RGS6: variants seen among roughly 807,000 people sequenced by gnomAD.
RGS6 encodes regulator of G-protein signaling 6.
RGS6 carries 30 observed loss-of-function variants against 78.5 expected under a neutral mutation model. That is an observed-to-expected ratio of 0.38 (90% CI 0.29 to 0.52). The LOEUF (loss-of-function observed/expected upper bound fraction) is 0.52, where lower values mean the gene tolerates loss of function less well. Among genes scored for constraint, RGS6 ranks in the 20% least tolerant of loss-of-function variants. The pLI, the probability that RGS6 is intolerant of heterozygous loss-of-function variation, is 0.85. For synonymous variants in RGS6, 206 were observed against 206.0 expected (o/e 1.00, Z 0.00); for missense variants, 495 against 609.7 (o/e 0.81, Z 1.98).
In RGS6 at chr14:72,534,770, C is replaced by T. The variant is rs570585435; in HGVS notation, c.1279-1416C>T. Among the ~76,000 whole-genome samples, 6 of 152,254 alleles carry T rather than the reference C, an allele frequency of 3.9e-5. No homozygotes were observed. The South Asian group carries it at 1.0e-3, about 26-fold the overall frequency. On this transcript the variant is annotated intron_variant, in intron 15 of 17. Coordinates refer to ENST00000553525, the MANE Select transcript of RGS6 (RefSeq NM_001204424.2). ...GATGGGAGGTCTGTGCCTCCTCCTT[C>T]GATCCCTTCCCTGGAAAGAGCACCA...
intron 2 of RGS6, among the ~76,000 whole-genome samples, chr14:72,211,885 C>T (rs929018402): frequency 8.6e-5 from 13 of 151,990 alleles, no homozygotes; most frequent in African/African-American, 2.2e-4. Flanking sequence ...AGGGGCAGGC[C>T]GTGAAGATAT....
intron 3 of RGS6, among the ~76,000 whole-genome samples, chr14:72,407,770 A>T (rs1183608607): frequency 6.6e-6 from 1 of 152,246 alleles, no homozygotes; most frequent in Non-Finnish European, 1.5e-5. Context: ...GCTCATTGCT[A>T]TTATGGCTGG....
At chr14:72,243,342 TCCTTGAATCTTG>T (rs2053405350) in intron 2 of RGS6, among the ~76,000 whole-genome samples, 1 of 27,892 alleles carries the variant, frequency 3.6e-5, no homozygotes, top group African/African-American at 2.2e-4. Flanking sequence ...GAATCTCAGT[TCCTTGAATCTTG>T]ACTTTTGTCG....
chr14:72,359,412 A>G (rs1465516438), intron 3 of RGS6, among the ~76,000 whole-genome samples: 1 of 152,222 alleles, frequency 6.6e-6, no homozygotes, highest in African/African-American at 2.4e-5. Context: ...GCTGAAGGGT[A>G]AGAAATCAAA....
At chr14:72,243,646 A>T (rs1376461283) in intron 2 of RGS6, among the ~76,000 whole-genome samples, 2 of 152,174 alleles carry the variant, frequency 1.3e-5, no homozygotes, top group African/African-American at 4.8e-5. Flanking sequence ...TTTTGTTTAG[A>T]TTTAATATGA....
In RGS6 at chr14:72,541,590, C is replaced by T. The variant is rs750055280; in HGVS notation, c.1422+1496C>T. ...GCTGTCAGAGTCAAGGCTTCTGGGA[C>T]TTCCTTCACTCCATGATGGCCTGAG... On this transcript the variant is annotated intron_variant, in intron 17 of 17. Coordinates refer to ENST00000553525, the MANE Select transcript of RGS6 (RefSeq NM_001204424.2). 3.5e-5 allele frequency: 54 copies of T among 1,535,694 alleles called. No homozygotes were observed. In the Middle Eastern group the frequency reaches 5.0e-4, roughly 14 times the overall value.
At chr14:72,340,202 C>G (rs1185298250) in intron 2 of RGS6, among the ~76,000 whole-genome samples, 1 of 152,164 alleles carries the variant, frequency 6.6e-6, no homozygotes, top group East Asian at 1.9e-4. Context: ...GAGTTCTCTA[C>G]ACTACAATTT....
intron 2 of RGS6, among the ~76,000 whole-genome samples, chr14:72,192,927 C>T (rs2097345291): frequency 6.6e-6 from 1 of 152,064 alleles, no homozygotes; most frequent in Non-Finnish European, 1.5e-5. Flanking sequence ...ACCCAAAACA[C>T]CATCTAAATG....
At chr14:72,128,349 A>T (rs1300491798) in intron 2 of RGS6, among the ~76,000 whole-genome samples, 1 of 152,210 alleles carries the variant, frequency 6.6e-6, no homozygotes, top group Admixed American at 6.5e-5. Flanking sequence ...TGATTAAATA[A>T]TCAAACTTAA....
Position 72,222,858 on chromosome 14 carries a change from C to T in RGS6, c.85-129237C>T, listed in dbSNP as rs897885639. On this transcript the variant is annotated intron_variant, in intron 2 of 17. Transcript: ENST00000553525. ...CCATGAGCAAATCACTTCAATTGAA[C>T]GGCCTTCAAGTTTTTCACCTCCAAA... 6.6e-5 allele frequency among the ~76,000 whole-genome samples: 10 copies of T among 152,290 alleles called. No individual in the cohort carries two copies. The East Asian group carries it at 7.7e-4, about 12-fold the overall frequency.
At chr14:72,240,976 G>A (rs766072029) in intron 2 of RGS6, among the ~76,000 whole-genome samples, 2 of 152,006 alleles carry the variant, frequency 1.3e-5, no homozygotes, top group African/African-American at 2.4e-5. Context: ...GGCCAACATG[G>A]TGAAACCGTG....
At chr14:72,439,759 G>A (rs2095107191) in intron 3 of RGS6, among the ~76,000 whole-genome samples, 1 of 152,178 alleles carries the variant, frequency 6.6e-6, no homozygotes, top group South Asian at 2.1e-4. Context: ...ACACCAACAG[G>A]AGATCAGAGG....
At chr14:72,541,055 CTCAATCACGG>C (rs1211549974) in intron 17 of RGS6, 5 of 1,340,208 alleles carry the variant, frequency 3.7e-6, no homozygotes, top group Non-Finnish European at 4.9e-6. Flanking sequence ...CTCAATCCCG[CTCAATCACGG>C]GGCCCATCCT....
chr14:72,481,811 T>A (rs1256584581), intron 12 of RGS6, among the ~76,000 whole-genome samples: 1 of 148,900 alleles, frequency 6.7e-6, no homozygotes, highest in African/African-American at 2.5e-5. Flanking sequence ...TTAACTTTTT[T>A]TTTTTTTTTT....
chr14:72,372,412 A>G lies in RGS6; in HGVS notation c.184+20218A>G, dbSNP rs912743460. ...ACCATTTTCTAGATCCAAGAAGGAA[A>G]TCATTGGCTCAGGATTTTCTACAGC... On this transcript the variant is annotated intron_variant, in intron 3 of 17. Coordinates refer to ENST00000553525, the MANE Select transcript of RGS6 (RefSeq NM_001204424.2). 4.6e-5 allele frequency among the ~76,000 whole-genome samples: 7 copies of G among 152,346 alleles called. No homozygotes were observed. In the South Asian group the frequency reaches 8.3e-4, roughly 18 times the overall value.
chr14:71,874,830 T>G, the RGS6 span, among the ~76,000 whole-genome samples: 2 of 152,170 alleles, frequency 1.3e-5, no homozygotes, highest in Non-Finnish European at 2.9e-5. Context: ...AATACCTAAT[T>G]TATTGAAAGT....
Position 72,459,621 on chromosome 14 carries a change from C to T in RGS6, c.343-11C>T. 6.2e-7 allele frequency: 1 copy of T among 1,614,050 alleles called. No homozygotes were observed. Among genetic ancestry groups the T allele is most frequent in the South Asian group, 1.1e-5 (1 of 91,080 alleles). ...GCGCCCCTGAGCACTAACACCCATG[C>T]TCCTTTGCAGGCTCCGTACTTCTGG... On this transcript the variant is annotated splice_polypyrimidine_tract_variant and intron_variant, in intron 5 of 17. Transcript: ENST00000553525.
At position 72,057,543 on chromosome 14, in the gene RGS6, C is replaced by T. The variant is rs116232303; in HGVS notation, c.84+92668C>T. Among the ~76,000 whole-genome samples, 601 of 152,160 alleles carry T rather than the reference C, an allele frequency of 3.9e-3. 1 individual carries two copies. The highest frequency in any genetic ancestry group is 0.014 in the African/African-American group (587 of 41,518). ...GCCTACATGCAAAGTGTATCTATCTCTCTGTTAATGCGTTTCCCATGATGA... is the reference window on the plus strand; with the variant it reads ...GCCTACATGCAAAGTGTATCTATCTTTCTGTTAATGCGTTTCCCATGATGA... On this transcript the variant is annotated intron_variant, in intron 2 of 17. Coordinates refer to ENST00000553525, the MANE Select transcript of RGS6 (RefSeq NM_001204424.2).
intron 3 of RGS6, among the ~76,000 whole-genome samples, chr14:72,427,541 G>A (rs910945705): frequency 1.3e-5 from 2 of 152,186 alleles, no homozygotes; most frequent in African/African-American, 4.8e-5. Flanking sequence ...TAAGATAAGT[G>A]ATTATTCTGT....
Sources: allele counts gnomAD v4.1 joint callset (sites outside exome capture counted in the v4.1 genomes callset), GRCh38; gene constraint gnomAD v4.1.1; transcripts MANE v1.5; gene names NCBI Gene and HGNC (gene_info 2026-07-23, HGNC 2026-07-21).